Variants in PIK3R5 observed in about 807,000 individuals in gnomAD.
PIK3R5 encodes the protein phosphoinositide 3-kinase regulatory subunit 5.
In PIK3R5, 32 loss-of-function variants were observed where a neutral mutation model predicts 94.9. The observed-to-expected ratio is 0.34, with a 90% CI of 0.25 to 0.45. The LOEUF is 0.45. Among genes scored for constraint, PIK3R5 ranks in the 20% least tolerant of loss-of-function variants. The probability of loss-of-function intolerance (pLI) is 1.00; values close to 1 mark genes in which losing one functional copy is unlikely to be tolerated. For synonymous variants in PIK3R5, 443 were observed against 479.4 expected, an observed-to-expected ratio of 0.92 and a Z score of 0.99; for missense variants, 853 against 1,144.6, an observed-to-expected ratio of 0.75 and a Z score of 3.68.
rs1308799207 is a variant in PIK3R5 at position 8,884,480 on chromosome 17, T to C, written c.2205+227A>G. Among the ~76,000 whole-genome samples the C allele has an allele frequency of 6.6e-6, 1 of 151,672 alleles. No individual in the cohort carries two copies. The highest frequency in any genetic ancestry group is 1.5e-5 in the Non-Finnish European group (1 of 67,946). ...TGGGCTGCTGCTGAGCGCATTCGGGTGGGGGCAGAGAACATGGTGGGAGAG... is the reference window on the plus strand; with the variant it reads ...TGGGCTGCTGCTGAGCGCATTCGGGCGGGGGCAGAGAACATGGTGGGAGAG... On this transcript the variant is annotated intron_variant, in intron 15 of 18. Coordinates refer to ENST00000447110, the MANE Select transcript of PIK3R5 (RefSeq NM_001142633.3). This position sits in a 1 kb window ranked among gnomAD's most constrained non-coding sequence, Gnocchi z 5.8.
At position 8,893,483 on chromosome 17, in the gene PIK3R5, T is replaced by G. The variant is rs1597381353; in HGVS notation, c.482+103A>C. On this transcript the variant is annotated intron_variant, in intron 6 of 18. Coordinates refer to ENST00000447110, the MANE Select transcript of PIK3R5 (RefSeq NM_001142633.3). This position sits in a 1 kb window ranked among gnomAD's most constrained non-coding sequence, Gnocchi z 5.1. Reference sequence around the variant, plus strand: ...GTTGCTGGCTGGGGTGGACAGGGGGTGGGGGCACTGGATGTTTGAGTGGGG... The same window carrying G: ...GTTGCTGGCTGGGGTGGACAGGGGGGGGGGGCACTGGATGTTTGAGTGGGG... The G allele has an allele frequency of 1.1e-6, 1 of 883,902 alleles. No homozygotes were observed. Among genetic ancestry groups the G allele is most frequent in the Non-Finnish European group, 1.9e-6 (1 of 534,802 alleles). 54.8% of individuals were successfully genotyped at this position (883,902 alleles called of 1,614,324 possible).
chr17:8,883,106 A>C (rs2089721026), intron 15 of PIK3R5, among the ~76,000 whole-genome samples: 5 of 152,224 alleles, frequency 3.3e-5, no homozygotes, highest in Admixed American at 2.6e-4. Context: ...GTGGTGGCTC[A>C]TGCCTGTAAC....
Position 8,925,438 on chromosome 17 carries a change from A to C in PIK3R5, c.-13-13931T>G, listed in dbSNP as rs1178091358. ...ATAGGTAGATAGTAGATGGAGAGAT[A>C]GATAGTAGATGGATAGATAGTAGAT... On this transcript the variant is annotated intron_variant, in intron 1 of 18. Coordinates refer to ENST00000447110, the MANE Select transcript of PIK3R5 (RefSeq NM_001142633.3). The surrounding 1 kb of genome is among the most constrained non-coding windows in gnomAD (Gnocchi z 5.1). 1.4e-5 allele frequency among the ~76,000 whole-genome samples: 2 copies of C among 138,332 alleles called. No individual in the cohort carries two copies. The highest frequency in any genetic ancestry group is 3.3e-5 in the Non-Finnish European group (2 of 59,970). 90.8% of individuals were successfully genotyped at this position (138,332 alleles called of 152,430 possible). A position where few individuals can be genotyped will look rare whatever the true frequency, so the allele number is the denominator to read the frequency against.
intron 1 of PIK3R5, among the ~76,000 whole-genome samples, chr17:8,941,050 ACTT>A (rs1327039557): frequency 6.6e-6 from 1 of 152,192 alleles, no homozygotes; most frequent in African/African-American, 2.4e-5. Flanking sequence ...GGGAAGAACA[ACTT>A]CTGATCACAG....
Position 8,925,471 on chromosome 17 carries a change from A to AGTAGATG in PIK3R5, c.-13-13965_-13-13964insCATCTAC, listed in dbSNP as rs2090863277. 6.7e-6 allele frequency among the ~76,000 whole-genome samples: 1 copy of AGTAGATG among 149,280 alleles called. No individual in the cohort carries two copies. Among genetic ancestry groups the AGTAGATG allele is most frequent in the Non-Finnish European group, 1.5e-5 (1 of 66,878 alleles). ...GATGGATAGATAGTAGATGGATGAT[A>AGTAGATG]GATAGATAGTAGATGGATAGATAGT... On this transcript the variant is annotated intron_variant, in intron 1 of 18. Coordinates refer to ENST00000447110, the MANE Select transcript of PIK3R5 (RefSeq NM_001142633.3). This position sits in a 1 kb window ranked among gnomAD's most constrained non-coding sequence, Gnocchi z 5.1.
chr17:8,963,658 T>C (rs1292189481), intron 1 of PIK3R5, among the ~76,000 whole-genome samples: 1 of 151,952 alleles, frequency 6.6e-6, no homozygotes, highest in Non-Finnish European at 1.5e-5. Context: ...CCACTTAAGC[T>C]TCTCGAGTAG....
intron 1 of PIK3R5, among the ~76,000 whole-genome samples, chr17:8,912,737 T>A (rs2090552496): frequency 6.6e-6 from 1 of 152,140 alleles, no homozygotes; most frequent in Non-Finnish European, 1.5e-5. Flanking sequence ...AGGGATAAAA[T>A]CCTAACCTGG....
intron 1 of PIK3R5, among the ~76,000 whole-genome samples, chr17:8,965,001 C>CCACA (rs10680170): frequency 0.24 from 35,761 of 150,640 alleles, 4,828 homozygotes; most frequent in Non-Finnish European, 0.32. Flanking sequence ...ATGCGCATGC[C>CCACA]CACACACACA....
intron 1 of PIK3R5, among the ~76,000 whole-genome samples, chr17:8,959,049 C>T (rs916237051): frequency 7.9e-5 from 12 of 152,186 alleles, no homozygotes; most frequent in East Asian, 3.8e-4. Flanking sequence ...TGAGCCACCA[C>T]GCAGGGCCTT....
chr17:8,896,839 C>T lies in PIK3R5; in HGVS notation c.413-3184G>A, dbSNP rs989398155. Among the ~76,000 whole-genome samples the T allele has an allele frequency of 6.6e-6, 1 of 152,198 alleles. No homozygotes were observed. Among genetic ancestry groups the T allele is most frequent in the Non-Finnish European group, 1.5e-5 (1 of 68,040 alleles). ...GCAACCACATCTGACTCAGTTTCCTCCTACAAGGGGAACACCAAGATTCCA... is the reference window on the plus strand; with the variant it reads ...GCAACCACATCTGACTCAGTTTCCTTCTACAAGGGGAACACCAAGATTCCA... On this transcript the variant is annotated intron_variant, in intron 5 of 18. Coordinates refer to ENST00000447110, the MANE Select transcript of PIK3R5 (RefSeq NM_001142633.3). The surrounding 1 kb of genome is among the most constrained non-coding windows in gnomAD (Gnocchi z 4.0).
chr17:8,889,657 C>T lies in PIK3R5; in HGVS notation c.811+316G>A, dbSNP rs773493280. Among the ~76,000 whole-genome samples, 1 of 152,114 alleles carries T rather than the reference C, an allele frequency of 6.6e-6. No homozygotes were observed. The highest frequency in any genetic ancestry group is 2.4e-5 in the African/African-American group (1 of 41,394). ...GCAAGATGTGGCCACGTGACCAAGG[C>T]GGGCTCAAAGGAACATGAGCGGAAG... On this transcript the variant is annotated intron_variant, in intron 8 of 18. Transcript: ENST00000447110. This position sits in a 1 kb window ranked among gnomAD's most constrained non-coding sequence, Gnocchi z 4.1.
chr17:8,906,388 C>A (rs1209031475), intron 3 of PIK3R5, among the ~76,000 whole-genome samples: 1 of 152,042 alleles, frequency 6.6e-6, no homozygotes, highest in African/African-American at 2.4e-5. Flanking sequence ...TTTTTCCCTT[C>A]TGGTTATACA....
In PIK3R5 at chr17:8,945,933, G is replaced by T. The variant is rs142003499; in HGVS notation, c.-14+19663C>A. On this transcript the variant is annotated intron_variant, in intron 1 of 18. Transcript: ENST00000447110. This position sits in a 1 kb window ranked among gnomAD's most constrained non-coding sequence, Gnocchi z 4.0. ...GAGAAATTAGATTATCCATCTGGAC[G>T]TTGCCATGATGTAAGGAAGCCCAAA... Among the ~76,000 whole-genome samples the T allele has an allele frequency of 6.6e-6, 1 of 152,172 alleles. No individual in the cohort carries two copies. Among genetic ancestry groups the T allele is most frequent in the Admixed American group, 6.5e-5 (1 of 15,286 alleles).
chr17:8,891,667 G>A (rs2090027670), intron 6 of PIK3R5, among the ~76,000 whole-genome samples: 3 of 150,106 alleles, frequency 2.0e-5, no homozygotes, highest in Non-Finnish European at 4.4e-5. Context: ...CACGATCTCA[G>A]CTCACTGCAA....
At chr17:8,924,955 G>A (rs1379798689) in intron 1 of PIK3R5, among the ~76,000 whole-genome samples, 5 of 152,168 alleles carry the variant, frequency 3.3e-5, no homozygotes, top group Non-Finnish European at 7.4e-5. Context: ...AGGGCATCAG[G>A]CACTGATGCA....
chr17:8,918,803 A>C (rs2090676103), intron 1 of PIK3R5, among the ~76,000 whole-genome samples: 1 of 152,236 alleles, frequency 6.6e-6, no homozygotes. Flanking sequence ...CCATATGATC[A>C]AGGTTAACAT....
chr17:8,913,115 G>A (rs2090560393), intron 1 of PIK3R5, among the ~76,000 whole-genome samples: 1 of 152,232 alleles, frequency 6.6e-6, no homozygotes, highest in Non-Finnish European at 1.5e-5. Flanking sequence ...GAAACATGCT[G>A]TAAAGGATGG....
intron 1 of PIK3R5, among the ~76,000 whole-genome samples, chr17:8,943,086 T>C (rs914901608): frequency 2.0e-5 from 3 of 150,886 alleles, no homozygotes; most frequent in African/African-American, 4.9e-5. Flanking sequence ...CTTTTTTTTT[T>C]CGTCAGGAGA....
chr17:8,922,301 C>G (rs1466898717), intron 1 of PIK3R5, among the ~76,000 whole-genome samples: 1 of 152,134 alleles, frequency 6.6e-6, no homozygotes, highest in Non-Finnish European at 1.5e-5. Context: ...ATCAAATTAT[C>G]AATCCCCATT....
Sources: allele counts gnomAD v4.1 joint callset (sites outside exome capture counted in the v4.1 genomes callset), GRCh38; gene constraint gnomAD v4.1.1; non-coding constraint Gnocchi (gnomAD v3.1); transcripts MANE v1.5; gene names NCBI Gene and HGNC (gene_info 2026-07-23, HGNC 2026-07-21).